The following EYS variants were observed in gnomAD, a reference collection of about 807,000 sequenced individuals.
EYS encodes the protein EGF-like photoreceptor maintenance factor.
EYS carries 250 observed loss-of-function variants against 282.1 expected under a neutral mutation model. That is an observed-to-expected ratio of 0.89 (90% CI 0.80 to 0.98). The LOEUF (loss-of-function observed/expected upper bound fraction) is 0.98. EYS is among the 50% of genes least tolerant of loss of function. The pLI, the probability that EYS is intolerant of heterozygous loss-of-function variation, is 0.00. For synonymous variants in EYS, 1,355 were observed against 1,282.9 expected, an observed-to-expected ratio of 1.06 and a Z score of -1.20; for missense variants, 4,016 against 3,709.0, an observed-to-expected ratio of 1.08 and a Z score of -2.15.
intron 28 of EYS, among the ~76,000 whole-genome samples, chr6:64,427,762 CT>C (rs1280898979): frequency 6.6e-6 from 1 of 151,992 alleles, no homozygotes; most frequent in Non-Finnish European, 1.5e-5. Flanking sequence ...TTCAGAATTC[CT>C]TTTCACAAAA....
chr6:64,450,741 C>T (rs1775299368), intron 26 of EYS, among the ~76,000 whole-genome samples: 1 of 152,100 alleles, frequency 6.6e-6, no homozygotes, highest in Admixed American at 6.6e-5. Context: ...ACTGAACAAC[C>T]TGCTCCTGAA....
At chr6:64,884,431 C>G (rs188515319) in intron 19 of EYS, among the ~76,000 whole-genome samples, 8 of 151,334 alleles carry the variant, frequency 5.3e-5, no homozygotes, top group Admixed American at 2.0e-4. Context: ...GAAAAATATA[C>G]AAAAGTATAA....
At chr6:64,703,971 T>C (rs1216918211) in intron 22 of EYS, among the ~76,000 whole-genome samples, 4 of 152,072 alleles carry the variant, frequency 2.6e-5, no homozygotes, top group African/African-American at 9.7e-5. Flanking sequence ...GAAGACCAAT[T>C]TTTCAATGTG....
At chr6:64,707,436 G>A (rs1029491152) in intron 22 of EYS, among the ~76,000 whole-genome samples, 1 of 152,022 alleles carries the variant, frequency 6.6e-6, no homozygotes, top group Non-Finnish European at 1.5e-5. Flanking sequence ...TTGGGAGACC[G>A]AGGTGGGCGG....
At chr6:64,092,130 T>A (rs1459163976) in intron 31 of EYS, among the ~76,000 whole-genome samples, 2 of 152,216 alleles carry the variant, frequency 1.3e-5, no homozygotes, top group Non-Finnish European at 2.9e-5. Context: ...ATGTGCCACA[T>A]TTTCTTAATC....
chr6:64,161,833 A>T (rs1582364625), intron 31 of EYS, among the ~76,000 whole-genome samples: 3 of 152,210 alleles, frequency 2.0e-5, no homozygotes, highest in Non-Finnish European at 2.9e-5. Context: ...TATTGATATT[A>T]TTCAAGGATT....
rs374064924 is a variant in EYS at position 64,310,744 on chromosome 6, A to C, written c.6079-3662T>G. On this transcript the variant is annotated intron_variant, in intron 29 of 42. Transcript: ENST00000503581. ...TCCTGAACTTAAAATAGAAGTTAAA[A>C]GAAAAAACATATTTTAAAAGGTGAA... Among the ~76,000 whole-genome samples the C allele has an allele frequency of 4.0e-5, 6 of 148,306 alleles. No individual in the cohort carries two copies. The East Asian group carries it at 7.9e-4, about 19-fold the overall frequency.
intron 19 of EYS, among the ~76,000 whole-genome samples, chr6:64,854,990 T>C (rs1252243897): frequency 1.3e-5 from 2 of 152,208 alleles, no homozygotes; most frequent in Non-Finnish European, 2.9e-5. Context: ...TTTTAAGGTG[T>C]CACTATTGTC....
At chr6:64,869,057 T>A (rs1258617434) in intron 19 of EYS, among the ~76,000 whole-genome samples, 1 of 151,532 alleles carries the variant, frequency 6.6e-6, no homozygotes, top group Non-Finnish European at 1.5e-5. Context: ...TTTTCTTAGA[T>A]CTCAGTTGTG....
rs1305831442 is a variant in EYS, at chr6:65,513,265, C to G, written c.-332-17272G>C. Reference sequence around the variant, plus strand: ...GAAGAAGTTGAATCTCTGAATAGACCAATAACAGGCTCTGAAATTGTGGCA... The same window carrying G: ...GAAGAAGTTGAATCTCTGAATAGACGAATAACAGGCTCTGAAATTGTGGCA... On this transcript the variant is annotated intron_variant, in intron 2 of 42. Coordinates refer to ENST00000503581, the MANE Select transcript of EYS (RefSeq NM_001142800.2). Among the ~76,000 whole-genome samples, 4 of 152,172 alleles carry G rather than the reference C, an allele frequency of 2.6e-5. No homozygotes were observed. In the East Asian group the frequency reaches 7.7e-4, roughly 29 times the overall value.
chr6:63,981,754 G>A (rs751987179), intron 35 of EYS, among the ~76,000 whole-genome samples: 3 of 151,824 alleles, frequency 2.0e-5, no homozygotes, highest in South Asian at 2.1e-4. Context: ...GATAATGTAC[G>A]TGATGAAGAC....
At chr6:65,066,868 A>G (rs1239548197) in intron 12 of EYS, among the ~76,000 whole-genome samples, 3 of 152,174 alleles carry the variant, frequency 2.0e-5, no homozygotes, top group African/African-American at 7.2e-5. Flanking sequence ...AATGGGCTAT[A>G]AAATATCTGC....
chr6:63,795,213 G>A (rs1183043563), intron 37 of EYS, among the ~76,000 whole-genome samples: 1 of 152,182 alleles, frequency 6.6e-6, no homozygotes, highest in African/African-American at 2.4e-5. Flanking sequence ...AGATTGGTTA[G>A]AGCAAATCTC....
chr6:65,161,999 A>T (rs769621968), intron 12 of EYS, among the ~76,000 whole-genome samples: 68 of 151,418 alleles, frequency 4.5e-4, no homozygotes, highest in Non-Finnish European at 4.0e-4. Flanking sequence ...GCATTCTACA[A>T]ATATAAGGTC....
intron 12 of EYS, among the ~76,000 whole-genome samples, chr6:65,210,446 T>C (rs926605934): frequency 6.6e-6 from 1 of 152,000 alleles, no homozygotes; most frequent in Non-Finnish European, 1.5e-5. Flanking sequence ...TCTGGTAAAA[T>C]TGATTTTGGC....
intron 24 of EYS, among the ~76,000 whole-genome samples, chr6:64,602,456 A>G (rs1474131718): frequency 6.6e-6 from 1 of 152,084 alleles, no homozygotes; most frequent in Non-Finnish European, 1.5e-5. Context: ...AGAGTCATCA[A>G]CCTTACTCTG....
chr6:64,299,966 C>T lies in EYS; in HGVS notation c.6191+7004G>A, dbSNP rs1261956446. 2.0e-5 allele frequency among the ~76,000 whole-genome samples: 3 copies of T among 152,056 alleles called. No individual in the cohort carries two copies. In the East Asian group the frequency reaches 5.8e-4, roughly 29 times the overall value. ...TCCTTGTCCCTCAGACACGCTATCA[C>T]CAGGCCAAAATAACAAAGAGGAAAT... On this transcript the variant is annotated intron_variant, in intron 30 of 42. Coordinates refer to ENST00000503581, the MANE Select transcript of EYS (RefSeq NM_001142800.2).
At chr6:65,613,133 C>T (rs1324701681) in intron 2 of EYS, among the ~76,000 whole-genome samples, 1 of 151,760 alleles carries the variant, frequency 6.6e-6, no homozygotes, top group Non-Finnish European at 1.5e-5. Flanking sequence ...ACACGTCTGT[C>T]TTATAACTTT....
chr6:64,705,892 G>T (rs1204285891), intron 22 of EYS, among the ~76,000 whole-genome samples: 1 of 149,496 alleles, frequency 6.7e-6, no homozygotes, highest in South Asian at 2.1e-4. Context: ...GCTAGATGAC[G>T]AGTTAGAGGG....
Sources: gnomAD v4.1 joint callset for allele counts (sites outside exome capture counted in the v4.1 genomes callset) on GRCh38, gnomAD v4.1.1 for gene constraint, MANE v1.5 for transcripts, NCBI Gene and HGNC (gene_info 2026-07-23, HGNC 2026-07-21) for gene names.